LIMK2: variants seen among roughly 807,000 people sequenced by gnomAD.
LIMK2 encodes the protein LIM domain kinase 2.
LIMK2 carries 35 observed loss-of-function variants against 75.7 expected under a neutral mutation model. That is an observed-to-expected ratio of 0.46 (90% CI 0.35 to 0.61). The LOEUF is 0.61. LIMK2 is among the 20% of genes least tolerant of loss of function. The pLI is 0.00. For synonymous variants in LIMK2, 301 were observed against 319.2 expected, an observed-to-expected ratio of 0.94 and a Z score of 0.61; for missense variants, 623 against 831.0, an observed-to-expected ratio of 0.75 and a Z score of 3.08.
chr22:31,269,034 T>G (rs1004440990), intron 11 of LIMK2, among the ~76,000 whole-genome samples: 145 of 150,938 alleles, frequency 9.6e-4, no homozygotes, highest in South Asian at 3.6e-3. Context: ...TTTTTGGTTT[T>G]TTTGTTTGTT....
At position 31,225,801 on chromosome 22, in the gene LIMK2, G is replaced by C. The variant is rs1410432969; in HGVS notation, c.98G>C (p.Trp33Ser). 6.2e-7 allele frequency: 1 copy of C among 1,613,806 alleles called. No homozygotes were observed. The highest frequency in any genetic ancestry group is 8.5e-7 in the Non-Finnish European group (1 of 1,179,830). ...QIWYRTVNET[W>S]HGSCFRCSEC... ...TGGTACAGGACTGTCAACGAAACCTGGCACGGCTCTTGCTTCCGGTAGGTG... is the reference window on the plus strand; with the variant it reads ...TGGTACAGGACTGTCAACGAAACCTCGCACGGCTCTTGCTTCCGGTAGGTG... The change falls in exon 2 of 16, where the codon TGG (tryptophan) becomes TCG (serine). Residue 33 changes from tryptophan (W) to serine (S), a missense_variant. This residue lies in a region of LIMK2 where 514 missense variants were observed against 661.3 expected (regional missense o/e 0.78). Transcript: ENST00000331728.
At chr22:31,257,265 G>GA (rs1348007676) in intron 2 of LIMK2, among the ~76,000 whole-genome samples, 3 of 150,974 alleles carry the variant, frequency 2.0e-5, no homozygotes, top group Non-Finnish European at 4.4e-5. Flanking sequence ...ATTTTATTTT[G>GA]AAAAAAAATT....
chr22:31,277,659 A>G, intron 15 of LIMK2: 1 of 594,166 alleles, frequency 1.7e-6, no homozygotes, highest in Non-Finnish European at 2.1e-6. Flanking sequence ...ACTGTGTGCT[A>G]GGTACAGTTC....
chr22:31,230,969 C>G (rs1273917623), intron 2 of LIMK2, among the ~76,000 whole-genome samples: 1 of 152,174 alleles, frequency 6.6e-6, no homozygotes, highest in East Asian at 1.9e-4. Context: ...ACATTTAATC[C>G]TTACAATGAC....
At position 31,271,192 on chromosome 22, in the gene LIMK2, C is replaced by T; in HGVS notation, c.1374C>T (p.Leu458=). ...IHRDLNSHNC[L]IKLDKTVVVA... is the part of the protein sequence containing the mutation. ...GGGATCTGAACTCGCACAACTGCCT[C>T]ATCAAGTTGGTATGTCCCACTGCTC... is the stretch of plus-strand genomic sequence containing the variant. The change falls in exon 12 of 16, where the codon CTC becomes CTT. Residue 458 remains leucine (L), a synonymous_variant. Transcript: ENST00000331728. 1 of 1,614,012 alleles carries T rather than the reference C, an allele frequency of 6.2e-7. No individual in the cohort carries two copies. Among genetic ancestry groups the T allele is most frequent in the Middle Eastern group, 1.6e-4 (1 of 6,062 alleles).
intron 1 of LIMK2, among the ~76,000 whole-genome samples, chr22:31,214,369 G>A (rs996561465): frequency 5.3e-5 from 8 of 152,136 alleles, no homozygotes; most frequent in African/African-American, 1.9e-4. Flanking sequence ...TCCTAGAGAT[G>A]GACAATAAAT....
At chr22:31,252,633 A>G (rs2048736702) in intron 2 of LIMK2, among the ~76,000 whole-genome samples, 1 of 151,520 alleles carries the variant, frequency 6.6e-6, no homozygotes. Flanking sequence ...AATCTGTTTC[A>G]TTCTGGGCTG....
chr22:31,276,991 G>T (rs904631905), intron 15 of LIMK2: 1 of 1,613,956 alleles, frequency 6.2e-7, no homozygotes, highest in Admixed American at 1.7e-5. Flanking sequence ...TGACGTGGAT[G>T]AGCTCCTGGA....
intron 2 of LIMK2, among the ~76,000 whole-genome samples, chr22:31,240,764 G>T (rs1175796796): frequency 6.6e-6 from 1 of 152,098 alleles, no homozygotes; most frequent in African/African-American, 2.4e-5. Flanking sequence ...CCACTGCCGC[G>T]TCACCAAGGA....
At chr22:31,255,500 C>T (rs1318303251) in intron 2 of LIMK2, among the ~76,000 whole-genome samples, 1 of 152,150 alleles carries the variant, frequency 6.6e-6, no homozygotes, top group Admixed American at 6.5e-5. Context: ...ATTGGGCACT[C>T]CAGAAAGATA....
In LIMK2 at chr22:31,278,543, G is replaced by A; in HGVS notation, c.*102G>A. The A allele has an allele frequency of 1.5e-6, 2 of 1,327,166 alleles. No homozygotes were observed. Among genetic ancestry groups the A allele is most frequent in the Non-Finnish European group, 2.0e-6 (2 of 989,484 alleles). 82.2% of individuals were successfully genotyped at this position (1,327,166 alleles called of 1,614,324 possible). A position where few individuals can be genotyped will look rare whatever the true frequency, so the allele number is the denominator to read the frequency against. On this transcript the variant is annotated 3_prime_UTR_variant, in exon 16 of 16. Transcript: ENST00000331728. ...GGCCGTCCGGGCTTCCTGTGGATTG[G>A]CGGAATGTTTAGAAGCAGAACAAGC...
intron 1 of LIMK2, among the ~76,000 whole-genome samples, chr22:31,217,029 C>G (rs2048394129): frequency 6.6e-6 from 1 of 152,178 alleles, no homozygotes; most frequent in South Asian, 2.1e-4. Flanking sequence ...CTTGAACATT[C>G]TTTCTGGGAT....
At chr22:31,267,665 A>G in intron 9 of LIMK2, 111 bp from the exon 10 acceptor site, 3 of 1,155,220 alleles carry the variant, frequency 2.6e-6, no homozygotes, top group African/African-American at 3.1e-5. Context: ...ACAAGATAGG[A>G]GGTAGGAGAT....
chr22:31,229,551 C>A (rs952619844), intron 2 of LIMK2, among the ~76,000 whole-genome samples: 3 of 152,178 alleles, frequency 2.0e-5, no homozygotes, highest in Admixed American at 2.0e-4. Flanking sequence ...GACTCTCCCT[C>A]TGTGCTACTC....
At chr22:31,258,866 CTTTTTT>C in intron 3 of LIMK2, 1 of 454,252 alleles carries the variant, frequency 2.2e-6, no homozygotes, top group Non-Finnish European at 4.1e-6. Flanking sequence ...AAGAACTGAT[CTTTTTT>C]AGTGGGGATG....
chr22:31,218,767 G>A (rs753598623), intron 1 of LIMK2, among the ~76,000 whole-genome samples: 1 of 152,114 alleles, frequency 6.6e-6, no homozygotes, highest in Non-Finnish European at 1.5e-5. Context: ...CACCTGACCC[G>A]CCAGTTCCCA....
At chr22:31,277,074 C>A in intron 15 of LIMK2, 1 of 1,613,970 alleles carries the variant, frequency 6.2e-7, no homozygotes, top group South Asian at 1.1e-5. Flanking sequence ...CCACAGAGGC[C>A]TTCATCTCTG....
chr22:31,230,177 A>G (rs2048515671), intron 2 of LIMK2: 1 of 151,428 alleles, frequency 6.6e-6, no homozygotes, highest in Non-Finnish European at 1.5e-5. Context: ...CCAGCCCAGT[A>G]GGCCTTTTTT....
At chr22:31,220,546 G>A (rs181299351) in intron 1 of LIMK2, among the ~76,000 whole-genome samples, 2 of 151,996 alleles carry the variant, frequency 1.3e-5, no homozygotes, top group African/African-American at 4.8e-5. Flanking sequence ...GGAGAGAGAG[G>A]GACTGAAGGA....
Sources: gnomAD v4.1 joint callset for allele counts (sites outside exome capture counted in the v4.1 genomes callset) on GRCh38, gnomAD v4.1.1 for gene constraint, gnomAD v4.1.1 regional missense constraint, MANE v1.5 for transcripts, NCBI Gene and HGNC (gene_info 2026-07-23, HGNC 2026-07-21) for gene names.